The following GADL1 variants were observed in gnomAD, a reference collection of about 807,000 sequenced individuals.
GADL1 encodes the protein GAD like acidic amino acid decarboxylase 1.
A neutral mutation model predicts 69.5 loss-of-function variants in GADL1; 71 were observed. That is an observed-to-expected ratio of 1.02 (90% confidence interval 0.84 to 1.25). The LOEUF (loss-of-function observed/expected upper bound fraction) is 1.25. GADL1 is among the 50% of genes most tolerant of loss of function. The pLI, the probability that GADL1 is intolerant of heterozygous loss-of-function variation, is 0.00. For missense variants in GADL1, 737 were observed against 631.8 expected (o/e 1.17, Z -1.79); for synonymous variants, 254 against 214.4 (o/e 1.18, Z -1.62).
intron 1 of GADL1, among the ~76,000 whole-genome samples, chr3:30,869,529 T>C (rs1698450739): frequency 6.6e-6 from 1 of 151,874 alleles, no homozygotes; most frequent in African/African-American, 2.4e-5. Flanking sequence ...GGCTTAGGGA[T>C]TGAACCATTT....
At chr3:30,848,908 C>T (rs1296357186) in intron 6 of GADL1, among the ~76,000 whole-genome samples, 4 of 152,146 alleles carry the variant, frequency 2.6e-5, no homozygotes, top group African/African-American at 9.7e-5. Flanking sequence ...GTATTCAAAT[C>T]CTTTGCCTGG....
At chr3:30,737,809 G>A (rs1247159669) in intron 14 of GADL1, among the ~76,000 whole-genome samples, 2 of 152,000 alleles carry the variant, frequency 1.3e-5, no homozygotes, top group East Asian at 1.9e-4. Flanking sequence ...TCAGACATGC[G>A]CAAAATAAAA....
intron 13 of GADL1, among the ~76,000 whole-genome samples, chr3:30,783,129 C>T (rs1686383121): frequency 1.3e-5 from 2 of 152,138 alleles, no homozygotes; most frequent in Admixed American, 1.3e-4. Flanking sequence ...CTGCATTGTG[C>T]AGGAAGTTGA....
chr3:30,810,219 A>C (rs902548873), intron 11 of GADL1, among the ~76,000 whole-genome samples: 2 of 152,142 alleles, frequency 1.3e-5, no homozygotes, highest in African/African-American at 4.8e-5. Context: ...CGTTTCCAGA[A>C]AGTTTCTGGG....
At chr3:30,826,308 TTCTG>T (rs746281174) in intron 11 of GADL1, among the ~76,000 whole-genome samples, 22 of 151,996 alleles carry the variant, frequency 1.4e-4, no homozygotes, top group African/African-American at 3.9e-4. Context: ...ATATTTTTCT[TTCTG>T]GTTATTTTTT....
chr3:30,867,935 T>C (rs1341425433), intron 1 of GADL1, among the ~76,000 whole-genome samples: 1 of 152,006 alleles, frequency 6.6e-6, no homozygotes, highest in Non-Finnish European at 1.5e-5. Flanking sequence ...AGCTGAGGTG[T>C]CAGGGAAGAT....
intron 14 of GADL1, among the ~76,000 whole-genome samples, chr3:30,765,597 C>G (rs1696257032): frequency 6.6e-6 from 1 of 152,228 alleles, no homozygotes. Context: ...AGGCCCTGCC[C>G]TCAGAAGGGC....
At chr3:30,769,528 T>C (rs1696367823) in intron 14 of GADL1, among the ~76,000 whole-genome samples, 1 of 147,512 alleles carries the variant, frequency 6.8e-6, no homozygotes, top group Non-Finnish European at 1.5e-5. Flanking sequence ...TGCCTCTTTG[T>C]CTCCTCTATG....
At chr3:30,806,023 C>T (rs543354997) in intron 11 of GADL1, among the ~76,000 whole-genome samples, 249 of 151,990 alleles carry the variant, frequency 1.6e-3, no homozygotes, top group African/African-American at 5.7e-3. Context: ...CTGTGTGGCC[C>T]GGTTCCTAAC....
chr3:30,820,686 G>T (rs1037185863), intron 11 of GADL1, among the ~76,000 whole-genome samples: 1 of 152,126 alleles, frequency 6.6e-6, no homozygotes, highest in African/African-American at 2.4e-5. Context: ...GTGCTAGAGA[G>T]GATGTGAAGA....
chr3:30,765,846 C>T (rs573607148), intron 14 of GADL1, among the ~76,000 whole-genome samples: 12 of 152,288 alleles, frequency 7.9e-5, no homozygotes, highest in Non-Finnish European at 1.6e-4. Context: ...CCATTTTCTC[C>T]TATGCATTGC....
At chr3:30,808,022 A>G (rs1209690274) in intron 11 of GADL1, among the ~76,000 whole-genome samples, 1 of 151,870 alleles carries the variant, frequency 6.6e-6, no homozygotes, top group Non-Finnish European at 1.5e-5. Flanking sequence ...ACAGAGAGAG[A>G]CCCCTTCGGG....
intron 8 of GADL1, 34 bp downstream of exon 8, chr3:30,844,176 C>A (rs767902983): frequency 1.9e-6 from 3 of 1,577,274 alleles, no homozygotes; most frequent in South Asian, 1.1e-5. Context: ...CACACACACA[C>A]GTTCTCTCTC....
chr3:30,754,166 A>AT (rs1342718621), intron 14 of GADL1, among the ~76,000 whole-genome samples: 3 of 152,194 alleles, frequency 2.0e-5, no homozygotes, highest in Non-Finnish European at 4.4e-5. Flanking sequence ...AAGGTTGTGG[A>AT]TTGGCTTTTG....
At chr3:30,797,896 G>A (rs1398393788) in intron 12 of GADL1, 4 of 152,048 alleles carry the variant, frequency 2.6e-5, no homozygotes, top group Non-Finnish European at 5.9e-5. Flanking sequence ...AACAGTATAA[G>A]CTCAACAAAA....
At chr3:30,846,721 C>T (rs1698065153) in intron 6 of GADL1, among the ~76,000 whole-genome samples, 2 of 152,150 alleles carry the variant, frequency 1.3e-5, no homozygotes, top group South Asian at 4.1e-4. Flanking sequence ...GAGGCCAGAA[C>T]CAGAAGCCAG....
chr3:30,779,523 A>G (rs916795861), intron 13 of GADL1, among the ~76,000 whole-genome samples: 1 of 152,068 alleles, frequency 6.6e-6, no homozygotes, highest in African/African-American at 2.4e-5. Flanking sequence ...AGTCATTCTT[A>G]CAAATCTACA....
At chr3:30,857,174 C>T in intron 2 of GADL1, 33 bp from the exon 3 acceptor site, 1 of 1,543,902 alleles carries the variant, frequency 6.5e-7, no homozygotes, top group East Asian at 2.4e-5. Context: ...AATTGAGTAT[C>T]CACCATAGCC....
chr3:30,879,226 T>G (rs1390503037), intron 1 of GADL1, among the ~76,000 whole-genome samples: 1 of 151,938 alleles, frequency 6.6e-6, no homozygotes, highest in Non-Finnish European at 1.5e-5. Flanking sequence ...CTGAATGAGG[T>G]GGTCTCACTT....
Sources: gnomAD v4.1 joint callset for allele counts (sites outside exome capture counted in the v4.1 genomes callset) on GRCh38, gnomAD v4.1.1 for gene constraint, MANE v1.5 for transcripts, NCBI Gene and HGNC (gene_info 2026-07-23, HGNC 2026-07-21) for gene names.